Variants in FAM184B observed in about 807,000 individuals in gnomAD.
FAM184B encodes the protein protein FAM184B.
In FAM184B, 111 loss-of-function variants were observed where a neutral mutation model predicts 135.9. The observed-to-expected ratio is 0.82, with a 90% CI of 0.70 to 0.96. The LOEUF is 0.96. Ranked by LOEUF, FAM184B falls within the 40% of genes least tolerant of loss-of-function variation. The probability of loss-of-function intolerance (pLI) is 0.00; values close to 1 mark genes in which losing one functional copy is unlikely to be tolerated. For missense variants in FAM184B, 1,375 were observed against 1,323.9 expected (o/e 1.04, Z -0.60); for synonymous variants, 552 against 524.8 (o/e 1.05, Z -0.71).
chr4:17,646,245 T>C (rs1053231727), intron 12 of FAM184B, among the ~76,000 whole-genome samples: 2 of 151,766 alleles, frequency 1.3e-5, no homozygotes, highest in African/African-American at 4.8e-5. Flanking sequence ...ACCCAAAGGA[T>C]TATAAATCAT....
At chr4:17,721,406 A>AAAAAAAAAAAAAT (rs1560185395) in intron 1 of FAM184B, among the ~76,000 whole-genome samples, 1 of 143,300 alleles carries the variant, frequency 7.0e-6, no homozygotes, top group African/African-American at 2.6e-5. Flanking sequence ...AAAAAAAAAA[A>AAAAAAAAAAAAAT]TCTCTTTGCC....
Position 17,709,414 on chromosome 4 carries a change from C to A in FAM184B, c.372G>T (p.Ser124=), listed in dbSNP as rs769134100. 1 of 1,518,392 alleles carries A rather than the reference C, an allele frequency of 6.6e-7. No homozygotes were observed. The highest frequency in any genetic ancestry group is 1.3e-5 in the South Asian group (1 of 79,892). 94.1% of individuals were successfully genotyped at this position (1,518,392 alleles called of 1,614,324 possible). A position where few individuals can be genotyped will look rare whatever the true frequency, so the allele number is the denominator to read the frequency against. Residue 124 remains serine (S), a synonymous_variant, in exon 2 of 18, where the codon TCG becomes TCT. Coordinates refer to ENST00000265018, the MANE Select transcript of FAM184B (RefSeq NM_015688.2). ...CTCTCTCCTTCGTCTCCAGCCTGCACGAGGCCGACTCAGCCAGCGCCTCCT... is the reference window on the plus strand; with the variant it reads ...CTCTCTCCTTCGTCTCCAGCCTGCAAGAGGCCGACTCAGCCAGCGCCTCCT... ...LTEEALAESA[S]CRLETKEREL...
intron 10 of FAM184B, among the ~76,000 whole-genome samples, chr4:17,654,330 T>C (rs1021696274): frequency 1.3e-5 from 2 of 152,050 alleles, no homozygotes; most frequent in Non-Finnish European, 2.9e-5. Flanking sequence ...GAAATTATTA[T>C]CCCCTCATCT....
intron 13 of FAM184B, among the ~76,000 whole-genome samples, chr4:17,641,572 G>T (rs1332578348): frequency 1.6e-5 from 2 of 125,792 alleles, no homozygotes; most frequent in South Asian, 2.8e-4. Context: ...TGGTCCTCCC[G>T]AGTTCACGCG....
chr4:17,661,274 G>A (rs954640311), intron 8 of FAM184B, among the ~76,000 whole-genome samples: 1 of 152,200 alleles, frequency 6.6e-6, no homozygotes, highest in East Asian at 1.9e-4. Context: ...CTACGGGCTG[G>A]GTGCGGTGGC....
intron 10 of FAM184B, among the ~76,000 whole-genome samples, chr4:17,653,424 A>C (rs1715685120): frequency 6.6e-6 from 1 of 152,174 alleles, no homozygotes; most frequent in Non-Finnish European, 1.5e-5. Flanking sequence ...TGCACAGCAG[A>C]GCAGAATGAC....
At chr4:17,756,331 C>G (rs973578922) in intron 1 of FAM184B, among the ~76,000 whole-genome samples, 3 of 152,160 alleles carry the variant, frequency 2.0e-5, no homozygotes, top group East Asian at 3.9e-4. Flanking sequence ...GTTTCTCTAA[C>G]CAAAAATTAG....
chr4:17,701,135 T>C (rs1276834657), intron 5 of FAM184B, among the ~76,000 whole-genome samples: 2 of 152,206 alleles, frequency 1.3e-5, no homozygotes, highest in African/African-American at 4.8e-5. Context: ...TTGTCCTCCC[T>C]ACCAGATTGT....
chr4:17,714,158 G>A (rs1717355416), intron 1 of FAM184B, among the ~76,000 whole-genome samples: 1 of 152,134 alleles, frequency 6.6e-6, no homozygotes, highest in Non-Finnish European at 1.5e-5. Context: ...CTGCTATGGG[G>A]CTGCTGCAGT....
chr4:17,715,115 C>G (rs946723751), intron 1 of FAM184B, among the ~76,000 whole-genome samples: 2 of 152,130 alleles, frequency 1.3e-5, no homozygotes, highest in African/African-American at 4.8e-5. Context: ...ACACATTCAT[C>G]TGCACCTTGA....
At chr4:17,649,411 C>A (rs564763173) in intron 11 of FAM184B, among the ~76,000 whole-genome samples, 2 of 151,568 alleles carry the variant, frequency 1.3e-5, no homozygotes, top group East Asian at 3.9e-4. Context: ...GGTGAAACCC[C>A]GTCTCTACTA....
Position 17,636,553 on chromosome 4 carries a change from C to G in FAM184B, c.2759G>C (p.Arg920Thr). The G allele has an allele frequency of 6.4e-7, 1 of 1,551,098 alleles. No homozygotes were observed. Among genetic ancestry groups the G allele is most frequent in the South Asian group, 1.2e-5 (1 of 84,056 alleles). The change falls in exon 15 of 18, where the codon AGA (arginine) becomes ACA (threonine). Residue 920 changes from arginine (R) to threonine (T), a missense_variant. Coordinates refer to ENST00000265018, the MANE Select transcript of FAM184B (RefSeq NM_015688.2). ...IGRLQTRLKEREDIIKQLTEE... is the reference protein window; with the variant it reads ...IGRLQTRLKETEDIIKQLTEE... ...CGTGAGCTGCTTGATGATGTCCTCT[C>G]TCTCCTTCAGGCGGGTCTGCAGGCG...
chr4:17,746,147 T>G (rs1019749790), intron 1 of FAM184B, among the ~76,000 whole-genome samples: 2 of 151,770 alleles, frequency 1.3e-5, no homozygotes, highest in Non-Finnish European at 2.9e-5. Flanking sequence ...TTAGTAGAGA[T>G]AGGGTTTCAT....
At chr4:17,641,418 C>T (rs1715306396) in intron 13 of FAM184B, among the ~76,000 whole-genome samples, 2 of 147,040 alleles carry the variant, frequency 1.4e-5, no homozygotes, top group African/African-American at 5.0e-5. Flanking sequence ...AATTCTCAGT[C>T]TCATAAATGC....
At chr4:17,705,514 C>G (rs1026566749) in intron 4 of FAM184B, among the ~76,000 whole-genome samples, 35 of 152,174 alleles carry the variant, frequency 2.3e-4, no homozygotes, top group African/African-American at 7.5e-4. Context: ...AAGCCAGTTT[C>G]CAGTTTCCCA....
chr4:17,648,064 G>T (rs568762232), intron 11 of FAM184B, among the ~76,000 whole-genome samples: 13 of 152,194 alleles, frequency 8.5e-5, no homozygotes, highest in Non-Finnish European at 1.9e-4. Flanking sequence ...CATCAGAGAG[G>T]GTGAGCACAA....
At chr4:17,728,005 T>C (rs1371580452) in intron 1 of FAM184B, among the ~76,000 whole-genome samples, 2 of 152,148 alleles carry the variant, frequency 1.3e-5, no homozygotes, top group African/African-American at 4.8e-5. Context: ...AGTCCAGGCA[T>C]GATGGCTCAT....
chr4:17,695,329 A>G (rs1376489985), intron 5 of FAM184B, among the ~76,000 whole-genome samples: 1 of 151,888 alleles, frequency 6.6e-6, no homozygotes, highest in Non-Finnish European at 1.5e-5. Context: ...TGCCCAGCTA[A>G]TTTAAAAAAA....
intron 1 of FAM184B, among the ~76,000 whole-genome samples, chr4:17,767,089 C>T (rs540687626): frequency 9.2e-5 from 14 of 152,178 alleles, no homozygotes; most frequent in African/African-American, 2.7e-4. Flanking sequence ...CAGCGCCAGC[C>T]GGCCCCTCCG....
Sources: gnomAD v4.1 joint callset for allele counts (sites outside exome capture counted in the v4.1 genomes callset) on GRCh38, gnomAD v4.1.1 for gene constraint, MANE v1.5 for transcripts, NCBI Gene and HGNC (gene_info 2026-07-23, HGNC 2026-07-21) for gene names.